The following HDAC4 variants were observed in gnomAD, a reference collection of about 807,000 sequenced individuals.
HDAC4 encodes the protein histone deacetylase A.
HDAC4 carries 16 observed loss-of-function variants against 135.1 expected under a neutral mutation model. That is an observed-to-expected ratio of 0.12 (90% CI 0.08 to 0.18). The LOEUF is 0.18. Among genes scored for constraint, HDAC4 ranks in the 10% least tolerant of loss-of-function variants. HDAC4 has a pLI of 1.00. For synonymous variants in HDAC4, 685 were observed against 653.4 expected (o/e 1.05, Z -0.74); for missense variants, 1,143 against 1,511.8 (o/e 0.76, Z 4.05).
chr2:239,178,057 T>A (rs1251634271), intron 4 of HDAC4, among the ~76,000 whole-genome samples: 1 of 152,230 alleles, frequency 6.6e-6, no homozygotes, highest in Non-Finnish European at 1.5e-5. Context: ...CTCGTTCGCA[T>A]GCTCCAGGGT....
At chr2:239,326,624 ATATGT>A (rs1429727252) in intron 2 of HDAC4, among the ~76,000 whole-genome samples, 10 of 152,212 alleles carry the variant, frequency 6.6e-5, no homozygotes, top group African/African-American at 1.7e-4. Flanking sequence ...TTAAAAAGAA[ATATGT>A]TATTTATTAA....
intron 22 of HDAC4, among the ~76,000 whole-genome samples, chr2:239,070,083 G>A (rs992579650): frequency 1.3e-5 from 2 of 151,916 alleles, no homozygotes; most frequent in Non-Finnish European, 2.9e-5. Context: ...CTCTTGCTGC[G>A]ACAATGCACT....
At chr2:239,250,064 C>T (rs970910954) in intron 2 of HDAC4, among the ~76,000 whole-genome samples, 14 of 152,354 alleles carry the variant, frequency 9.2e-5, no homozygotes, top group African/African-American at 3.4e-4. Flanking sequence ...CAGCATCCTC[C>T]GTGATGGCCA....
intron 3 of HDAC4, among the ~76,000 whole-genome samples, chr2:239,218,776 AAAAC>A (rs1302057446): frequency 7.1e-6 from 1 of 140,086 alleles, no homozygotes; most frequent in Non-Finnish European, 1.6e-5. Flanking sequence ...TTACAAGAAA[AAAAC>A]AAACAACCCC....
intron 3 of HDAC4, among the ~76,000 whole-genome samples, chr2:239,222,631 G>C (rs552531002): frequency 6.6e-6 from 1 of 151,044 alleles, no homozygotes; most frequent in East Asian, 1.9e-4. Context: ...ATAACAGACA[G>C]AACCATCCGT....
chr2:239,060,311 A>G lies in HDAC4; in HGVS notation c.3004-5478T>C, dbSNP rs186997815. On this transcript the variant is annotated intron_variant, in intron 24 of 26. Transcript: ENST00000543185. The stretch of plus-strand genomic sequence containing the variant: ...GTGTGGGTGTTGTCTCCCTGGACTC[A>G]CACAGGCTGGTCACCAATGTGTGGA... Among the ~76,000 whole-genome samples, 10 of 152,324 alleles carry G rather than the reference A, an allele frequency of 6.6e-5. No homozygotes were observed. In the East Asian group the frequency reaches 1.9e-3, roughly 29 times the overall value.
rs2125639763 is a variant in HDAC4, at chr2:239,303,590, T to A, written c.22+49088A>T. The stretch of plus-strand genomic sequence containing the variant: ...ACGTTGTCAGCTTTCTCTGTTTTCT[T>A]TCTTTCTTTTTTTTTTTTAATTCAC... On this transcript the variant is annotated intron_variant, in intron 2 of 26. Transcript: ENST00000543185. This position sits in a 1 kb window ranked among gnomAD's most constrained non-coding sequence, Gnocchi z 5.1. 6.6e-6 allele frequency among the ~76,000 whole-genome samples: 1 copy of A among 152,144 alleles called. No individual in the cohort carries two copies. Among genetic ancestry groups the A allele is most frequent in the Admixed American group, 6.5e-5 (1 of 15,296 alleles).
intron 2 of HDAC4, among the ~76,000 whole-genome samples, chr2:239,276,551 C>T (rs973853747): frequency 1.3e-5 from 2 of 152,218 alleles, no homozygotes; most frequent in African/African-American, 2.4e-5. Context: ...GGACCTAAGT[C>T]CCTCTAGCTG....
chr2:239,084,705 CAA>C (rs2035727839), intron 19 of HDAC4, among the ~76,000 whole-genome samples: 1 of 149,306 alleles, frequency 6.7e-6, no homozygotes, highest in Non-Finnish European at 1.5e-5. Context: ...ACACACCATG[CAA>C]CACGCCCTAC....
At chr2:239,249,220 C>T (rs945157738) in intron 2 of HDAC4, among the ~76,000 whole-genome samples, 6 of 152,122 alleles carry the variant, frequency 3.9e-5, no homozygotes, top group African/African-American at 7.2e-5. Flanking sequence ...GGGGTTCCCA[C>T]GGGGCAGACA....
intron 2 of HDAC4, among the ~76,000 whole-genome samples, chr2:239,251,751 A>G (rs1293334153): frequency 2.0e-5 from 3 of 152,086 alleles, no homozygotes; most frequent in Non-Finnish European, 4.4e-5. Context: ...TGTACATTCA[A>G]GATAATCACA....
intron 1 of HDAC4, among the ~76,000 whole-genome samples, chr2:239,384,740 T>C (rs1695669778): frequency 6.6e-6 from 1 of 152,096 alleles, no homozygotes; most frequent in South Asian, 2.1e-4. Flanking sequence ...CCCAGCACCA[T>C]ATACCCCACG....
chr2:239,270,235 G>A (rs1051112967), intron 2 of HDAC4, among the ~76,000 whole-genome samples: 1 of 152,180 alleles, frequency 6.6e-6, no homozygotes, highest in Non-Finnish European at 1.5e-5. Flanking sequence ...ACATCCGTAT[G>A]TGTAAAAATG....
chr2:239,246,308 GC>G (rs1379791752), intron 2 of HDAC4, among the ~76,000 whole-genome samples: 1 of 152,174 alleles, frequency 6.6e-6, no homozygotes, highest in African/African-American at 2.4e-5. Context: ...ACAGCACCTC[GC>G]CCCTTCCCCT....
intron 3 of HDAC4, among the ~76,000 whole-genome samples, chr2:239,195,575 T>C (rs2045326460): frequency 6.6e-6 from 1 of 152,190 alleles, no homozygotes; most frequent in Non-Finnish European, 1.5e-5. Flanking sequence ...GCTATTTCTG[T>C]ATCAAAAACC....
chr2:239,314,227 G>A (rs1049333869), intron 2 of HDAC4, among the ~76,000 whole-genome samples: 4 of 152,144 alleles, frequency 2.6e-5, no homozygotes, highest in African/African-American at 7.2e-5. Context: ...CAAGAAGGAC[G>A]GACATAAAGT....
At chr2:239,261,411 C>T (rs1559297626) in intron 2 of HDAC4, among the ~76,000 whole-genome samples, 1 of 152,192 alleles carries the variant, frequency 6.6e-6, no homozygotes, top group African/African-American at 2.4e-5. Context: ...GCCAGCCAGG[C>T]TCTGCACAGA....
At position 239,189,979 on chromosome 2, in the gene HDAC4, C is replaced by T. The variant is rs149493390; in HGVS notation, c.193G>A (p.Ala65Thr). The T allele has an allele frequency of 2.5e-6, 4 of 1,607,426 alleles. No homozygotes were observed. The highest frequency in any genetic ancestry group is 1.3e-5 in the African/African-American group (1 of 74,872). ...TGCTGCAGCTGCTGCTCCCGCAGGG[C>T]CGGCTCTGCCACAGGCAGTGAGAAC... The part of the protein sequence containing the change: ...HQFSLPVAEP[A>T]LREQQLQQEL... Residue 65 changes from alanine to threonine, a missense_variant, in exon 4 of 27, where the codon GCC (alanine) becomes ACC (threonine). By Grantham distance (58) the Ala-to-Thr change is moderately conservative. Coordinates refer to ENST00000543185, the MANE Select transcript of HDAC4 (RefSeq NM_001378414.1).
At position 239,287,133 on chromosome 2, in the gene HDAC4, G is replaced by A. The variant is rs76783434; in HGVS notation, c.23-50469C>T. ...CAGGATGGGGCATGCGTCACACTTC[G>A]TGAGCCCACAGTGATCCATCAGCAT... On this transcript the variant is annotated intron_variant, in intron 2 of 26. Transcript: ENST00000543185. Among the ~76,000 whole-genome samples the A allele has an allele frequency of 1.4e-3, 209 of 152,212 alleles. 1 individual carries two copies. Among genetic ancestry groups the A allele is most frequent in the African/African-American group, 4.8e-3 (199 of 41,522 alleles).
Sources: allele counts gnomAD v4.1 joint callset (sites outside exome capture counted in the v4.1 genomes callset), GRCh38; gene constraint gnomAD v4.1.1; non-coding constraint Gnocchi (gnomAD v3.1); transcripts MANE v1.5; gene names NCBI Gene and HGNC (gene_info 2026-07-23, HGNC 2026-07-21).